The following WHRN variants were observed in gnomAD, a reference collection of about 807,000 sequenced individuals.
WHRN encodes CASK-interacting protein CIP98.
A neutral mutation model predicts 68.3 loss-of-function variants in WHRN; 41 were observed. The ratio of observed to expected loss-of-function variants is 0.60; its 90% CI spans 0.47 to 0.78. The LOEUF is 0.78. Ranked by LOEUF, WHRN falls within the 30% of genes least tolerant of loss-of-function variation. The probability of loss-of-function intolerance (pLI) is 0.00; values close to 1 mark genes in which losing one functional copy is unlikely to be tolerated. For missense variants in WHRN, 1,243 were observed against 1,244.7 expected, an observed-to-expected ratio of 1.00 and a Z score of 0.02; for synonymous variants, 560 against 561.3, an observed-to-expected ratio of 1.00 and a Z score of 0.03.
intron 1 of WHRN, among the ~76,000 whole-genome samples, chr9:114,502,022 G>C (rs1347485388): frequency 1.3e-5 from 2 of 152,220 alleles, no homozygotes. Context: ...CCTCAGGGAA[G>C]AAGTTCCGCC....
chr9:114,408,155 C>T, intron 7 of WHRN, 137 bp from the exon 8 acceptor site: 1 of 725,998 alleles, frequency 1.4e-6, no homozygotes, highest in Non-Finnish European at 2.5e-6. Flanking sequence ...TACCTCACTT[C>T]ATCGAAATTC....
chr9:114,441,087 A>G (rs140478428), intron 3 of WHRN, among the ~76,000 whole-genome samples: 128 of 152,356 alleles, frequency 8.4e-4, no homozygotes, highest in African/African-American at 3.1e-3. Flanking sequence ...TTACGGAATC[A>G]ATAAATTCAG....
intron 2 of WHRN, among the ~76,000 whole-genome samples, chr9:114,477,590 T>G (rs909837436): frequency 2.0e-5 from 3 of 152,056 alleles, no homozygotes; most frequent in African/African-American, 7.2e-5. Context: ...TTGGTGGTCT[T>G]GTCAATCAAA....
chr9:114,429,470 T>C (rs889331898), intron 3 of WHRN, among the ~76,000 whole-genome samples: 1 of 152,218 alleles, frequency 6.6e-6, no homozygotes, highest in East Asian at 1.9e-4. Context: ...TAGCCCAGGA[T>C]TGTCCTTCTC....
chr9:114,496,352 T>C (rs957501172), intron 1 of WHRN, among the ~76,000 whole-genome samples: 3 of 152,184 alleles, frequency 2.0e-5, no homozygotes, highest in African/African-American at 7.2e-5. Context: ...ATTACTGCTA[T>C]AAAGCAAAAA....
chr9:114,497,703 CAAAT>C (rs1472850621), intron 1 of WHRN, among the ~76,000 whole-genome samples: 1 of 152,170 alleles, frequency 6.6e-6, no homozygotes, highest in African/African-American at 2.4e-5. Context: ...AGCAAAGTGA[CAAAT>C]GAACTAGCTG....
At chr9:114,435,625 C>T (rs534384436) in intron 3 of WHRN, among the ~76,000 whole-genome samples, 2 of 152,298 alleles carry the variant, frequency 1.3e-5, no homozygotes, top group South Asian at 2.1e-4. Context: ...TGTCACTGGT[C>T]CAAGGCTTCC....
chr9:114,490,101 C>T lies in WHRN; in HGVS notation c.619-11330G>A, dbSNP rs955089577. On this transcript the variant is annotated intron_variant, in intron 1 of 11. Coordinates refer to ENST00000362057, the MANE Select transcript of WHRN (RefSeq NM_015404.4). ...CCCGCGACACAGCCATGCCACGACA[C>T]GGTCCATCTGCTCCGGCTCTGTGCG... Among the ~76,000 whole-genome samples the T allele has an allele frequency of 5.3e-5, 8 of 152,228 alleles. No homozygotes were observed. In the South Asian group the frequency reaches 6.2e-4, roughly 12 times the overall value.
chr9:114,499,202 AC>A (rs1843715842), intron 1 of WHRN, among the ~76,000 whole-genome samples: 1 of 152,188 alleles, frequency 6.6e-6, no homozygotes, highest in Admixed American at 6.5e-5. Flanking sequence ...TCAGGAATGC[AC>A]GGAAAAAGAA....
chr9:114,482,143 A>T (rs1842141359), intron 1 of WHRN, among the ~76,000 whole-genome samples: 2 of 152,076 alleles, frequency 1.3e-5, no homozygotes, highest in South Asian at 4.1e-4. Flanking sequence ...GCCTGGTGAG[A>T]GACAAGGCAT....
chr9:114,479,448 G>C (rs1190046233), intron 1 of WHRN, among the ~76,000 whole-genome samples: 1 of 152,134 alleles, frequency 6.6e-6, no homozygotes, highest in Non-Finnish European at 1.5e-5. Flanking sequence ...GTATCCTTTG[G>C]ATGTAATAAA....
chr9:114,466,722 C>G (rs1022374215), intron 2 of WHRN, among the ~76,000 whole-genome samples: 1 of 152,140 alleles, frequency 6.6e-6, no homozygotes, highest in Non-Finnish European at 1.5e-5. Flanking sequence ...ATGCTCTTCA[C>G]GCCACAGTGG....
intron 2 of WHRN, among the ~76,000 whole-genome samples, chr9:114,476,532 C>A (rs1029515156): frequency 1.3e-5 from 2 of 152,130 alleles, no homozygotes; most frequent in Non-Finnish European, 2.9e-5. Flanking sequence ...CTGGCACTTT[C>A]TACCCGGCTC....
In WHRN at chr9:114,504,177, G is replaced by A. The variant is rs2133471156; in HGVS notation, c.618+7C>T. The A allele has an allele frequency of 6.2e-7, 1 of 1,614,062 alleles. No individual in the cohort carries two copies. The highest frequency in any genetic ancestry group is 1.7e-5 in the Admixed American group (1 of 60,026). On this transcript the variant is annotated splice_region_variant and intron_variant, in intron 1 of 11. Coordinates refer to ENST00000362057, the MANE Select transcript of WHRN (RefSeq NM_015404.4). Reference sequence around the variant, plus strand: ...TGCCCCAGACTCTCTCCAAACCACAGCCTTACCTTGACGGCCTCCGCGTGG... The same window carrying A: ...TGCCCCAGACTCTCTCCAAACCACAACCTTACCTTGACGGCCTCCGCGTGG...
intron 3 of WHRN, among the ~76,000 whole-genome samples, chr9:114,441,517 C>A (rs1838372937): frequency 6.6e-6 from 1 of 152,134 alleles, no homozygotes. Context: ...GGTTCCAAGG[C>A]TGGGCAGGAA....
intron 3 of WHRN, among the ~76,000 whole-genome samples, chr9:114,439,183 G>A (rs189880082): frequency 2.8e-4 from 43 of 152,306 alleles, no homozygotes; most frequent in African/African-American, 9.9e-4. Flanking sequence ...TACTCGGAGT[G>A]TACCTTTTTG....
At chr9:114,467,534 G>A (rs563470960) in intron 2 of WHRN, among the ~76,000 whole-genome samples, 229 of 152,202 alleles carry the variant, frequency 1.5e-3, no homozygotes, top group African/African-American at 5.4e-3. Context: ...AGGGAAAATG[G>A]AACATTCCAG....
rs757877261 is a variant in WHRN at position 114,407,939 on chromosome 9, G to A, written c.1698+8C>T. 3 of 1,596,542 alleles carry A rather than the reference G, an allele frequency of 1.9e-6. No individual in the cohort carries two copies. In the Admixed American group the frequency reaches 5.2e-5, roughly 27 times the overall value. ...AGAGCAGAACCAAAGGGCCAGCCAG[G>A]GCCTTACCACGGACACATCTGGGAG... On this transcript the variant is annotated splice_region_variant and intron_variant, in intron 8 of 11. Coordinates refer to ENST00000362057, the MANE Select transcript of WHRN (RefSeq NM_015404.4).
At chr9:114,442,528 G>A (rs10116010) in intron 3 of WHRN, among the ~76,000 whole-genome samples, 3 of 152,280 alleles carry the variant, frequency 2.0e-5, no homozygotes, top group East Asian at 3.9e-4. Flanking sequence ...TTGGATATTC[G>A]TCCCCTACAA....
Sources: allele counts gnomAD v4.1 joint callset (sites outside exome capture counted in the v4.1 genomes callset), GRCh38; gene constraint gnomAD v4.1.1; transcripts MANE v1.5; gene names NCBI Gene and HGNC (gene_info 2026-07-23, HGNC 2026-07-21).